HIF1A: variants seen among roughly 807,000 people sequenced by gnomAD.
The protein encoded by HIF1A is hypoxia inducible factor 1 subunit alpha.
HIF1A carries 24 observed loss-of-function variants against 92.7 expected under a neutral mutation model. The ratio of observed to expected loss-of-function variants is 0.26; its 90% CI spans 0.19 to 0.36. HIF1A has a LOEUF of 0.36. Ranked by LOEUF, HIF1A falls within the 10% of genes least tolerant of loss-of-function variation. HIF1A has a pLI of 1.00. For synonymous variants in HIF1A, 319 were observed against 338.7 expected (o/e 0.94, Z 0.64); for missense variants, 799 against 998.5 (o/e 0.80, Z 2.69).
intron 1 of HIF1A, among the ~76,000 whole-genome samples, chr14:61,696,902 TA>T (rs1474801264): frequency 2.0e-5 from 3 of 152,240 alleles, no homozygotes; most frequent in Non-Finnish European, 4.4e-5. Context: ...AGTTTGAGTC[TA>T]AGGGGTACAT....
intron 1 of HIF1A, among the ~76,000 whole-genome samples, chr14:61,718,870 TG>T (rs767030330): frequency 1.2e-4 from 19 of 152,220 alleles, no homozygotes; most frequent in Non-Finnish European, 2.4e-4. Flanking sequence ...CAAGTTAAAT[TG>T]ATCTAGATGC....
chr14:61,748,092 G>A lies in HIF1A; in HGVS notation c.*1007G>A, dbSNP rs972050428. On this transcript the variant is annotated 3_prime_UTR_variant, in exon 15 of 15. Coordinates refer to ENST00000337138, the MANE Select transcript of HIF1A (RefSeq NM_001530.4). The stretch of plus-strand genomic sequence containing the variant: ...TTTTTTCATGTAGATTTCAATAATT[G>A]AGTAATTTTAGAAGCATTATTTTAG... The A allele has an allele frequency of 1.3e-5, 2 of 152,350 alleles. No homozygotes were observed. Among genetic ancestry groups the A allele is most frequent in the Non-Finnish European group, 2.9e-5 (2 of 67,924 alleles). The allele number at this position is 152,350 out of a possible 1,614,324, so 9.4% of individuals were successfully genotyped here.
At chr14:61,712,304 G>A (rs1431225330) in intron 1 of HIF1A, among the ~76,000 whole-genome samples, 1 of 152,020 alleles carries the variant, frequency 6.6e-6, no homozygotes, top group Non-Finnish European at 1.5e-5. Flanking sequence ...AGAACAGTAA[G>A]GAGGCTAGTA....
chr14:61,725,167 C>G (rs2044487836), intron 4 of HIF1A, among the ~76,000 whole-genome samples: 1 of 152,136 alleles, frequency 6.6e-6, no homozygotes, highest in Non-Finnish European at 1.5e-5. Flanking sequence ...TAGAAATTAT[C>G]TTCTAAGCTC....
At chr14:61,743,473 G>GTAC (rs953396945) in intron 12 of HIF1A, among the ~76,000 whole-genome samples, 13 of 152,160 alleles carry the variant, frequency 8.5e-5, no homozygotes, top group African/African-American at 2.9e-4. Context: ...TAATTACTAA[G>GTAC]TACTACTACT....
chr14:61,735,875 T>A (rs2044630315), intron 8 of HIF1A, among the ~76,000 whole-genome samples: 1 of 152,236 alleles, frequency 6.6e-6, no homozygotes, highest in African/African-American at 2.4e-5. Flanking sequence ...TTTGTGCCAA[T>A]TTCATAATGT....
At chr14:61,726,156 G>A (rs1376795011) in intron 4 of HIF1A, among the ~76,000 whole-genome samples, 1 of 151,928 alleles carries the variant, frequency 6.6e-6, no homozygotes, top group Non-Finnish European at 1.5e-5. Flanking sequence ...TTGATCTGTT[G>A]TTGTTGTTTT....
intron 1 of HIF1A, among the ~76,000 whole-genome samples, chr14:61,706,357 A>G (rs1182320972): frequency 6.6e-6 from 1 of 152,178 alleles, no homozygotes; most frequent in Admixed American, 6.5e-5. Flanking sequence ...TCCTTAGGTC[A>G]TCTTTGAACT....
chr14:61,724,507 G>C (rs1199618169), intron 4 of HIF1A, among the ~76,000 whole-genome samples: 1 of 151,950 alleles, frequency 6.6e-6, no homozygotes, highest in Non-Finnish European at 1.5e-5. Flanking sequence ...CAAATGGCAT[G>C]CATCAGCACC....
At position 61,738,071 on chromosome 14, in the gene HIF1A, T is replaced by C. The variant is rs374829549; in HGVS notation, c.1250-16T>C. The C allele has an allele frequency of 1.3e-6, 2 of 1,564,264 alleles. No homozygotes were observed. The highest frequency in any genetic ancestry group is 2.0e-5 in the Admixed American group (1 of 50,904). On this transcript the variant is annotated splice_polypyrimidine_tract_variant and intron_variant, in intron 9 of 14. Transcript: ENST00000337138. ...TCCTTCTATACTTTAGATTGACTCA[T>C]ATTTTTTCCCCACAGACACAGAAAC... is the stretch of plus-strand genomic sequence containing the variant.
chr14:61,741,239 AATGT>A (rs763025074), intron 12 of HIF1A, 51 bp downstream of exon 12: 7 of 1,277,532 alleles, frequency 5.5e-6, no homozygotes, highest in Admixed American at 2.2e-5. Flanking sequence ...TTTTGAGATA[AATGT>A]ATGTGATAGT....
intron 6 of HIF1A, among the ~76,000 whole-genome samples, chr14:61,730,432 T>C (rs948368410): frequency 6.6e-6 from 1 of 152,200 alleles, no homozygotes; most frequent in Non-Finnish European, 1.5e-5. Context: ...ATATAAACAA[T>C]ACCTTCATTA....
rs151303260 is a variant in HIF1A at position 61,747,425 on chromosome 14, T to G, written c.*340T>G. On this transcript the variant is annotated 3_prime_UTR_variant, in exon 15 of 15. Transcript: ENST00000337138. Reference sequence around the variant, plus strand: ...TATTTTTAAGAAGATGCCAATATAATTTTTGTAAGAAGGCAGTAACCTTTC... The same window carrying G: ...TATTTTTAAGAAGATGCCAATATAAGTTTTGTAAGAAGGCAGTAACCTTTC... The G allele has an allele frequency of 3.4e-4, 55 of 163,384 alleles. No homozygotes were observed. Among genetic ancestry groups the G allele is most frequent in the African/African-American group, 1.2e-3 (49 of 42,002 alleles). 10.1% of individuals were successfully genotyped at this position (163,384 alleles called of 1,614,324 possible). A position where few individuals can be genotyped will look rare whatever the true frequency, so the allele number is the denominator to read the frequency against.
At chr14:61,726,582 T>C (rs2044507685) in intron 4 of HIF1A, 124 bp from the exon 5 acceptor site, 1 of 575,708 alleles carries the variant, frequency 1.7e-6, no homozygotes, top group African/African-American at 1.9e-5. Flanking sequence ...TGAATTACTG[T>C]GTTCATGCTG....
chr14:61,738,276 C>G lies in HIF1A; in HGVS notation c.1439C>G (p.Pro480Arg). Residue 480 changes from proline to arginine, a missense_variant, in exon 10 of 15, where the codon CCA becomes CGA. By Grantham distance (103) the Pro-to-Arg change is moderately radical. Coordinates refer to ENST00000337138, the MANE Select transcript of HIF1A (RefSeq NM_001530.4). Reference protein sequence around the residue: ...LNQEVALKLEPNPESLELSFT... With the variant: ...LNQEVALKLERNPESLELSFT... ...CAAGAAGTTGCATTAAAATTAGAAC[C>G]AAATCCAGAGTCACTGGAACTTTCT... 1 of 1,614,086 alleles carries G rather than the reference C, an allele frequency of 6.2e-7. No individual in the cohort carries two copies. The highest frequency in any genetic ancestry group is 8.5e-7 in the Non-Finnish European group (1 of 1,179,978).
At chr14:61,744,656 ATTT>A in intron 12 of HIF1A, 46 bp from the exon 13 acceptor site, 1 of 763,462 alleles carries the variant, frequency 1.3e-6, no homozygotes, top group Non-Finnish European at 2.2e-6. Flanking sequence ...CTCACTGGAT[ATTT>A]TTTTTAAAAA....
At chr14:61,732,029 G>A (rs1034944761) in intron 6 of HIF1A, among the ~76,000 whole-genome samples, 7 of 152,168 alleles carry the variant, frequency 4.6e-5, no homozygotes, top group African/African-American at 1.4e-4. Flanking sequence ...CCAGCTACTT[G>A]GGAGGCTGAG....
intron 1 of HIF1A, among the ~76,000 whole-genome samples, chr14:61,710,113 T>C (rs145130645): frequency 6.6e-5 from 10 of 152,326 alleles, no homozygotes; most frequent in African/African-American, 2.4e-4. Flanking sequence ...AGTGGAATCA[T>C]ACTCAATTTT....
Position 61,738,913 on chromosome 14 carries a change from C to CT in HIF1A, c.1536+547dup, listed in dbSNP as rs532674681. On this transcript the variant is annotated intron_variant, in intron 10 of 14. Transcript: ENST00000337138. ...CACCATGCCTGGCTAATTTTTTAAC[C>CT]TTTTTTTGTGTGTGTGTGTGGAGTT... Among the ~76,000 whole-genome samples, 300 of 151,928 alleles carry CT rather than the reference C, an allele frequency of 2.0e-3. 2 individuals carry two copies. Among genetic ancestry groups the CT allele is most frequent in the African/African-American group, 6.6e-3 (275 of 41,446 alleles).
Sources: gnomAD v4.1 joint callset for allele counts (sites outside exome capture counted in the v4.1 genomes callset) on GRCh38, gnomAD v4.1.1 for gene constraint, MANE v1.5 for transcripts, NCBI Gene and HGNC (gene_info 2026-07-23, HGNC 2026-07-21) for gene names.